TMEM270: variants seen among roughly 807,000 people sequenced by gnomAD.
The protein encoded by TMEM270 is Williams-Beuren syndrome chromosome region 28.
TMEM270 carries 30 observed loss-of-function variants against 29.9 expected under a neutral mutation model. The observed-to-expected ratio is 1.00, with a 90% CI of 0.75 to 1.36. The LOEUF (loss-of-function observed/expected upper bound fraction) is 1.36, where lower values mean the gene tolerates loss of function less well. Among genes scored for constraint, TMEM270 ranks in the 40% most tolerant of loss-of-function variants. TMEM270 has a pLI of 0.00. For synonymous variants in TMEM270, 135 were observed against 139.8 expected (o/e 0.97, Z 0.24); for missense variants, 313 against 307.1 (o/e 1.02, Z -0.14).
At chr7:73,863,316 C>G (rs1449073162) in intron 1 of TMEM270, among the ~76,000 whole-genome samples, 1 of 152,124 alleles carries the variant, frequency 6.6e-6, no homozygotes. Context: ...CCACCTCACC[C>G]CAGTCCTGCA....
chr7:73,862,549 AAGAC>A (rs1554639440), intron 1 of TMEM270, among the ~76,000 whole-genome samples: 1 of 151,426 alleles, frequency 6.6e-6, no homozygotes, highest in Non-Finnish European at 1.5e-5. Context: ...GCAGTTGAGA[AAGAC>A]AGACACCATT....
rs200681954 is a variant in TMEM270 at position 73,865,689 on chromosome 7, C to T, written c.614C>T (p.Thr205Ile). ...LTSWHLAYLI[T>I]WTTCLASHLL... ...TCCTGGCACCTGGCCTATCTCATCA[C>T]CTGGACCACCTGCCTGGCCTCCCAC... Residue 205 changes from threonine (T) to isoleucine (I), a missense_variant, in exon 3 of 3, where the codon ACC becomes ATC. Transcript: ENST00000320531. 2.7e-4 allele frequency: 439 copies of T among 1,614,116 alleles called. No homozygotes were observed. Among genetic ancestry groups the T allele is most frequent in the Non-Finnish European group, 3.5e-4 (411 of 1,180,000 alleles).
chr7:73,863,269 T>A (rs1271576337), intron 1 of TMEM270, among the ~76,000 whole-genome samples: 20 of 152,142 alleles, frequency 1.3e-4, no homozygotes, highest in Admixed American at 1.3e-3. Flanking sequence ...TTTCCAGCTC[T>A]GATGAAGGGT....
intron 1 of TMEM270, among the ~76,000 whole-genome samples, chr7:73,863,392 C>CT (rs34629826): frequency 0.13 from 18,430 of 141,972 alleles, 1,513 homozygotes; most frequent in Non-Finnish European, 0.2. Context: ...ATCTGGAATT[C>CT]TTTTTTTTTT....
intron 1 of TMEM270, among the ~76,000 whole-genome samples, chr7:73,862,010 G>A (rs1380814514): frequency 6.6e-6 from 1 of 151,030 alleles, no homozygotes; most frequent in Non-Finnish European, 1.5e-5. Flanking sequence ...TGTTAGCCAG[G>A]ATGGTCTCGA....
intron 1 of TMEM270, among the ~76,000 whole-genome samples, chr7:73,863,672 G>A (rs1788838182): frequency 1.3e-5 from 2 of 152,154 alleles, no homozygotes; most frequent in African/African-American, 4.8e-5. Context: ...TTACAGGTGT[G>A]AGCCACCATG....
chr7:73,861,530 G>A (rs1788784856), intron 1 of TMEM270: 2 of 604,010 alleles, frequency 3.3e-6, no homozygotes, highest in Admixed American at 2.1e-5. Flanking sequence ...GCTCGTTGCA[G>A]CCTCCAACTC....
intron 1 of TMEM270, chr7:73,861,524 G>A (rs1332222880): frequency 1.1e-5 from 7 of 611,122 alleles, no homozygotes; most frequent in African/African-American, 5.4e-5. Context: ...GGCTCAGCTC[G>A]TTGCAGCCTC....
intron 1 of TMEM270, 23 bp downstream of exon 1, chr7:73,861,289 T>TTTTGG: frequency 1.0e-6 from 1 of 974,240 alleles, no homozygotes; most frequent in African/African-American, 1.7e-5. Context: ...TGGGGGTAAG[T>TTTTGG]GGGGTGGGGA....
In TMEM270 at chr7:73,865,319, A is replaced by G. The variant is rs1159471351; in HGVS notation, c.399A>G (p.Ser133=). 2 of 1,612,902 alleles carry G rather than the reference A, an allele frequency of 1.2e-6. No homozygotes were observed. The highest frequency in any genetic ancestry group is 1.3e-5 in the African/African-American group (1 of 74,704). The change falls in exon 2 of 3, where the codon TCA becomes TCG. Residue 133 remains serine (S), a synonymous_variant. Coordinates refer to ENST00000320531, the MANE Select transcript of TMEM270 (RefSeq NM_182504.4). ...CCATCTGGACAGATCTGTTTTTGTC[A>G]TGTCTGCACGGCCTGATGTTGGTGG... ...SVAIWTDLFL[S]CLHGLMLVAL... is the part of the protein sequence containing the mutation.
intron 1 of TMEM270, among the ~76,000 whole-genome samples, chr7:73,864,564 G>A (rs1301295522): frequency 6.6e-6 from 1 of 152,098 alleles, no homozygotes; most frequent in East Asian, 1.9e-4. Flanking sequence ...CCTTGAGATG[G>A]GGATCTGACT....
In TMEM270 at chr7:73,865,007, A is replaced by T. The variant is rs1554639722; in HGVS notation, c.87A>T (p.Arg29=). The T allele has an allele frequency of 1.3e-6, 2 of 1,504,170 alleles. No homozygotes were observed. The highest frequency in any genetic ancestry group is 2.7e-5 in the South Asian group (2 of 73,164). The allele number at this position is 1,504,170 out of a possible 1,614,324, so 93.2% of individuals were successfully genotyped here. A position where few individuals can be genotyped will look rare whatever the true frequency, so the allele number is the denominator to read the frequency against. The change falls in exon 2 of 3, where the codon CGA becomes CGT. Residue 29 remains arginine (R), a synonymous_variant. Coordinates refer to ENST00000320531, the MANE Select transcript of TMEM270 (RefSeq NM_182504.4). The part of the protein sequence containing the change: ...TRLSVLLVQN[R]DHLYNFLLLK... ...TTCTTCTGCAGTTGGTTCAGAACCG[A>T]GATCACCTCTATAATTTCCTGCTCC...
intron 1 of TMEM270, among the ~76,000 whole-genome samples, chr7:73,862,396 G>A (rs1029874197): frequency 2.6e-5 from 4 of 151,610 alleles, no homozygotes; most frequent in African/African-American, 4.8e-5. Context: ...GTGAGCCACC[G>A]CACCTGGCCC....
Position 73,861,238 on chromosome 7 carries a change from T to C in TMEM270, c.44T>C (p.Leu15Pro), listed in dbSNP as rs1554639192. The change falls in exon 1 of 3, where the codon CTG (leucine) becomes CCG (proline). Residue 15 changes from leucine (L) to proline (P), a missense_variant. Coordinates refer to ENST00000320531, the MANE Select transcript of TMEM270 (RefSeq NM_182504.4). Reference sequence around the variant, plus strand: ...GTCAGATCCAGCCTTTTGGGGATCCTGTTGCAGGTTACGAGGCTCTCAGTG... The same window carrying C: ...GTCAGATCCAGCCTTTTGGGGATCCCGTTGCAGGTTACGAGGCTCTCAGTG... ...PPVRSSLLGI[L>P]LQVTRLSVLL... is the part of the protein sequence containing the mutation. 1.2e-6 allele frequency: 2 copies of C among 1,613,092 alleles called. No homozygotes were observed. The highest frequency in any genetic ancestry group is 2.2e-5 in the South Asian group (2 of 91,040).
At chr7:73,862,113 T>TC (rs1443568263) in intron 1 of TMEM270, among the ~76,000 whole-genome samples, 13 of 140,946 alleles carry the variant, frequency 9.2e-5, no homozygotes, top group African/African-American at 1.6e-4. Flanking sequence ...TCTCTCTCTC[T>TC]TTTTTTTTTT....
intron 1 of TMEM270, 116 bp downstream of exon 1, chr7:73,861,382 T>C: frequency 2.2e-6 from 2 of 929,224 alleles, no homozygotes; most frequent in Non-Finnish European, 1.6e-6. Context: ...ACGAGGTGGC[T>C]GCCTGCCTTC....
At position 73,865,161 on chromosome 7, in the gene TMEM270, C is replaced by T. The variant is rs1352824730; in HGVS notation, c.241C>T (p.Leu81=). 2 of 1,612,130 alleles carry T rather than the reference C, an allele frequency of 1.2e-6. No individual in the cohort carries two copies. The highest frequency in any genetic ancestry group is 1.7e-6 in the Non-Finnish European group (2 of 1,178,508). Residue 81 remains leucine (L), a synonymous_variant, in exon 2 of 3, where the codon CTG becomes TTG. Transcript: ENST00000320531. ...CCTGGGCCAGGCTCTCTGGGCTGGG[C>T]TGGCTCTGATACAGGTCCCCGTATG... ...CPLGQALWAG[L]ALIQVPVWLV... is the part of the protein sequence containing the mutation.
At chr7:73,861,134 C>A (rs1788764849), upstream of TMEM270, 5 of 1,566,518 alleles carry the variant, frequency 3.2e-6, no homozygotes, top group Non-Finnish European at 4.4e-6. Flanking sequence ...TGGTCCCCAC[C>A]CTGTGGCATC....
At chr7:73,863,080 C>T (rs1354353009) in intron 1 of TMEM270, among the ~76,000 whole-genome samples, 2 of 152,042 alleles carry the variant, frequency 1.3e-5, no homozygotes, top group African/African-American at 4.8e-5. Flanking sequence ...TAGCTCTACC[C>T]TAATTCTTCT....
Sources: gnomAD v4.1 joint callset for allele counts (sites outside exome capture counted in the v4.1 genomes callset) on GRCh38, gnomAD v4.1.1 for gene constraint, MANE v1.5 for transcripts, NCBI Gene and HGNC (gene_info 2026-07-23, HGNC 2026-07-21) for gene names.